The following MICU1 variants were observed in gnomAD, a reference collection of about 807,000 sequenced individuals.
MICU1 encodes the protein calcium uptake protein 1, mitochondrial.
Under a neutral mutation model 56.8 loss-of-function variants are expected in MICU1, and 45 were observed. The ratio of observed to expected loss-of-function variants is 0.79; its 90% CI spans 0.62 to 1.02. The LOEUF (loss-of-function observed/expected upper bound fraction) is 1.02. Among genes scored for constraint, MICU1 ranks in the 50% least tolerant of loss-of-function variants. The probability of loss-of-function intolerance (pLI) is 0.00; values close to 1 mark genes in which losing one functional copy is unlikely to be tolerated. For missense variants in MICU1, 504 were observed against 587.1 expected, an observed-to-expected ratio of 0.86 and a Z score of 1.46; for synonymous variants, 186 against 195.1, an observed-to-expected ratio of 0.95 and a Z score of 0.39.
chr10:72,390,180 G>GA (rs1863024224), intron 10 of MICU1, among the ~76,000 whole-genome samples: 1 of 150,654 alleles, frequency 6.6e-6, no homozygotes, highest in Non-Finnish European at 1.5e-5. Flanking sequence ...GGGGCAAACA[G>GA]AAAAAATGAA....
chr10:72,475,340 T>C, intron 7 of MICU1, 43 bp from the exon 8 acceptor site: 1 of 1,480,932 alleles, frequency 6.8e-7, no homozygotes, highest in Non-Finnish European at 9.2e-7. Context: ...TATTAGGAAG[T>C]GAGAAAACAT....
chr10:72,502,146 G>GTTT (rs1173541219), intron 6 of MICU1, among the ~76,000 whole-genome samples: 23 of 88,386 alleles, frequency 2.6e-4, no homozygotes, highest in African/African-American at 6.1e-4. Flanking sequence ...TTGTTTTGCT[G>GTTT]TTTTTTTTTT....
chr10:72,533,284 A>ACTTATT, intron 5 of MICU1: 4 of 501,056 alleles, frequency 8.0e-6, no homozygotes, highest in Non-Finnish European at 9.2e-6. Flanking sequence ...AAATAAGTAT[A>ACTTATT]GTGCAAACTT....
chr10:72,485,647 A>G (rs1194360266), intron 6 of MICU1, among the ~76,000 whole-genome samples: 1 of 152,052 alleles, frequency 6.6e-6, no homozygotes, highest in Non-Finnish European at 1.5e-5. Flanking sequence ...AGCCACTCTT[A>G]GCTATTATAC....
intron 3 of MICU1, among the ~76,000 whole-genome samples, chr10:72,561,231 T>C (rs1330779895): frequency 6.6e-6 from 1 of 152,238 alleles, no homozygotes; most frequent in Non-Finnish European, 1.5e-5. Flanking sequence ...GATATGCTCA[T>C]CTGCTGAGCA....
chr10:72,558,804 A>T (rs6480627), intron 3 of MICU1, among the ~76,000 whole-genome samples: 101,450 of 152,042 alleles, frequency 0.67, 35,310 homozygotes, highest in African/African-American at 0.83. Context: ...AGCAGGAAGA[A>T]CTCTTGAAGC....
chr10:72,452,692 T>C (rs902823302), intron 8 of MICU1, among the ~76,000 whole-genome samples: 10 of 152,244 alleles, frequency 6.6e-5, no homozygotes, highest in Admixed American at 1.3e-4. Context: ...GTTCACTCTA[T>C]GATGTTTGCA....
chr10:72,625,685 T>C (rs1159067402), intron 1 of MICU1, among the ~76,000 whole-genome samples: 2 of 152,064 alleles, frequency 1.3e-5, no homozygotes, highest in Non-Finnish European at 2.9e-5. Context: ...TACCAGAGTG[T>C]CCCAGTCGCC....
intron 1 of MICU1, among the ~76,000 whole-genome samples, chr10:72,617,587 T>C (rs1460232804): frequency 4.6e-5 from 7 of 152,036 alleles, no homozygotes; most frequent in Admixed American, 3.3e-4. Flanking sequence ...ATCCCAGAAT[T>C]TTGGGAGGCC....
intron 5 of MICU1, among the ~76,000 whole-genome samples, chr10:72,532,317 CA>C (rs879557469): frequency 7.0e-4 from 98 of 139,400 alleles, no homozygotes; most frequent in Admixed American, 1.2e-3. Flanking sequence ...GACTCCATCT[CA>C]AAAAAAAAAA....
chr10:72,464,179 C>T (rs145879749), intron 8 of MICU1, among the ~76,000 whole-genome samples: 4,940 of 151,810 alleles, frequency 0.033, 110 homozygotes, highest in Middle Eastern at 0.058. Context: ...GCCTGTAATC[C>T]CAGCTACTAA....
At chr10:72,388,921 C>T (rs941728626) in intron 10 of MICU1, among the ~76,000 whole-genome samples, 1 of 152,220 alleles carries the variant, frequency 6.6e-6, no homozygotes, top group Non-Finnish European at 1.5e-5. Context: ...AGCTGGATAA[C>T]CACGATCAAG....
chr10:72,474,329 A>C (rs1466575835), intron 8 of MICU1, among the ~76,000 whole-genome samples: 1 of 151,178 alleles, frequency 6.6e-6, no homozygotes, highest in Non-Finnish European at 1.5e-5. Context: ...GTGTAAGAGA[A>C]TTTTTAAAAA....
At chr10:72,418,298 T>C (rs1864049818) in intron 9 of MICU1, among the ~76,000 whole-genome samples, 1 of 152,188 alleles carries the variant, frequency 6.6e-6, no homozygotes, top group Non-Finnish European at 1.5e-5. Context: ...CACTGATGCC[T>C]GGACCCACCT....
chr10:72,457,881 T>A (rs1865521435), intron 8 of MICU1, among the ~76,000 whole-genome samples: 1 of 152,114 alleles, frequency 6.6e-6, no homozygotes, highest in Non-Finnish European at 1.5e-5. Flanking sequence ...ATGAAAAGTA[T>A]TTCTAGGCTG....
chr10:72,573,198 A>G (rs1438226501), intron 1 of MICU1, among the ~76,000 whole-genome samples: 2 of 150,446 alleles, frequency 1.3e-5, no homozygotes, highest in African/African-American at 4.9e-5. Context: ...GGCCAGCCGC[A>G]GTAGCTCATG....
At position 72,425,573 on chromosome 10, in the gene MICU1, G is replaced by A. The variant is rs530379762; in HGVS notation, c.934-2202C>T. The stretch of plus-strand genomic sequence containing the variant: ...GGCTCTATTATGATTATTTTTAAGT[G>A]ACTGGAATCTGAAAGGGCTTAAAAA... On this transcript the variant is annotated intron_variant, in intron 8 of 11. Transcript: ENST00000361114. 2.0e-5 allele frequency among the ~76,000 whole-genome samples: 3 copies of A among 152,252 alleles called. No homozygotes were observed. The South Asian group carries it at 6.2e-4, about 32-fold the overall frequency.
At chr10:72,586,674 A>G (rs1220101803) in intron 1 of MICU1, among the ~76,000 whole-genome samples, 9 of 151,974 alleles carry the variant, frequency 5.9e-5, no homozygotes, top group African/African-American at 1.9e-4. Flanking sequence ...ACCCATAGAT[A>G]TGAATAGCTG....
At chr10:72,547,294 C>T (rs1035536630) in intron 4 of MICU1, among the ~76,000 whole-genome samples, 1 of 152,092 alleles carries the variant, frequency 6.6e-6, no homozygotes, top group Non-Finnish European at 1.5e-5. Context: ...CTGCCATAGC[C>T]TCCCAAAGTG....
Sources: gnomAD v4.1 joint callset for allele counts (sites outside exome capture counted in the v4.1 genomes callset) on GRCh38, gnomAD v4.1.1 for gene constraint, MANE v1.5 for transcripts, NCBI Gene and HGNC (gene_info 2026-07-23, HGNC 2026-07-21) for gene names.